Variants in FOXN3 observed in about 807,000 individuals in gnomAD.
The protein encoded by FOXN3 is forkhead box protein N3.
A neutral mutation model predicts 38.4 loss-of-function variants in FOXN3; 7 were observed. The observed-to-expected ratio is 0.18, with a 90% CI of 0.10 to 0.34. The LOEUF is 0.34. Among genes scored for constraint, FOXN3 ranks in the 10% least tolerant of loss-of-function variants. The pLI, the probability that FOXN3 is intolerant of heterozygous loss-of-function variation, is 1.00. For missense variants in FOXN3, 456 were observed against 613.4 expected (o/e 0.74, Z 2.71); for synonymous variants, 230 against 242.2 (o/e 0.95, Z 0.47).
At chr14:89,565,924 C>T (rs1399103767) in intron 1 of FOXN3, among the ~76,000 whole-genome samples, 1 of 152,208 alleles carries the variant, frequency 6.6e-6, no homozygotes, top group Non-Finnish European at 1.5e-5. Flanking sequence ...CATTTTATTT[C>T]TCTAACCTGC....
At chr14:89,355,222 A>C in intron 2 of FOXN3, 1 of 148,288 alleles carries the variant, frequency 6.7e-6, no homozygotes, top group East Asian at 2.0e-4. Context: ...AAAAAAAAGT[A>C]ATTTTTTTTT....
chr14:89,156,749 C>T lies in FOXN3; in HGVS notation c.*5665G>A, dbSNP rs1290400459. The stretch of plus-strand genomic sequence containing the variant: ...GACACACATGGATACATTTTTCCTC[C>T]ACATTTTCACCATGGCAGTATTAAG... On this transcript the variant is annotated 3_prime_UTR_variant, in exon 6 of 6. Coordinates refer to ENST00000557258, the MANE Select transcript of FOXN3 (RefSeq NM_005197.4). 1.3e-5 allele frequency: 2 copies of T among 151,950 alleles called. No individual in the cohort carries two copies. Among genetic ancestry groups the T allele is most frequent in the African/African-American group, 4.8e-5 (2 of 41,352 alleles). The allele number at this position is 151,950 out of a possible 1,614,324, so 9.4% of individuals were successfully genotyped here. A position where few individuals can be genotyped will look rare whatever the true frequency, so the allele number is the denominator to read the frequency against.
intron 4 of FOXN3, among the ~76,000 whole-genome samples, chr14:89,227,033 T>C (rs1884662465): frequency 1.3e-5 from 2 of 152,222 alleles, no homozygotes. Flanking sequence ...ACGGCAGCCC[T>C]AGCAAACTAA....
intron 1 of FOXN3, among the ~76,000 whole-genome samples, chr14:89,595,170 A>T (rs951714482): frequency 1.3e-5 from 2 of 151,762 alleles, no homozygotes; most frequent in Middle Eastern, 3.2e-3. Flanking sequence ...CAAAAAAAAA[A>T]AAAAATTAGC....
intron 3 of FOXN3, among the ~76,000 whole-genome samples, chr14:89,281,662 A>G (rs1217409122): frequency 1.3e-5 from 2 of 152,192 alleles, no homozygotes; most frequent in Non-Finnish European, 2.9e-5. Flanking sequence ...TATCACAAAG[A>G]CACTTACCGC....
chr14:89,558,680 G>A (rs1566699451), intron 1 of FOXN3, among the ~76,000 whole-genome samples: 1 of 152,228 alleles, frequency 6.6e-6, no homozygotes, highest in Non-Finnish European at 1.5e-5. Flanking sequence ...AAGGCCTTGG[G>A]CAGGCCCCAC....
Position 89,511,236 on chromosome 14 carries a change from CCTTTTCTTT to C in FOXN3, c.-14-98755_-14-98747del, listed in dbSNP as rs1325083103. Among the ~76,000 whole-genome samples the C allele has an allele frequency of 3.8e-4, 4 of 10,404 alleles. 2 individuals are homozygous for C. Among genetic ancestry groups the C allele is most frequent in the African/African-American group, 6.6e-4 (4 of 6,026 alleles). The allele number at this position is 10,404 out of a possible 152,430, so 6.8% of individuals were successfully genotyped here. A position where few individuals can be genotyped will look rare whatever the true frequency, so the allele number is the denominator to read the frequency against. ...CTTTCTTTCTTTCTTTCTTTTCTTTCCTTTTCTTTCTTTTCTTTCTTTCTTTCTTTCTTT... is the reference window on the plus strand; with the variant it reads ...CTTTCTTTCTTTCTTTCTTTTCTTTCCTTTTCTTTCTTTCTTTCTTTCTTT... On this transcript the variant is annotated intron_variant, in intron 1 of 6. Coordinates refer to the FOXN3 transcript ENST00000345097.
At chr14:89,260,829 C>G (rs1007905224) in intron 4 of FOXN3, among the ~76,000 whole-genome samples, 1 of 152,146 alleles carries the variant, frequency 6.6e-6, no homozygotes, top group Non-Finnish European at 1.5e-5. Context: ...ATGACATAAA[C>G]GAGCAGCTAT....
At chr14:89,455,682 T>G (rs1037577110) in intron 1 of FOXN3, among the ~76,000 whole-genome samples, 6 of 151,862 alleles carry the variant, frequency 4.0e-5, no homozygotes, top group African/African-American at 1.5e-4. Context: ...GCTGAGTGGG[T>G]GTGGAAGGAA....
intron 1 of FOXN3, among the ~76,000 whole-genome samples, chr14:89,524,310 G>C (rs1476388979): frequency 7.6e-6 from 1 of 131,210 alleles, no homozygotes; most frequent in East Asian, 2.3e-4. Flanking sequence ...GGGGGGCAGA[G>C]CCTGCAGTGA....
intron 3 of FOXN3, among the ~76,000 whole-genome samples, chr14:89,332,453 T>C (rs973334647): frequency 6.6e-6 from 1 of 152,152 alleles, no homozygotes; most frequent in Non-Finnish European, 1.5e-5. Context: ...CCTATATAAT[T>C]TTCTTAATGT....
Position 89,614,225 on chromosome 14 carries a change from T to A in FOXN3, c.-15+4803A>T, listed in dbSNP as rs61996553. Among the ~76,000 whole-genome samples the A allele has an allele frequency of 1.7e-3, 262 of 152,326 alleles. 2 individuals are homozygous for A. The highest frequency in any genetic ancestry group is 6.8e-3 in the Middle Eastern group (2 of 294). ...TTCATATGAAATTATTTTCACTGAC[T>A]AATAGAATAACAGTGATAGAACAGA... On this transcript the variant is annotated intron_variant, in intron 1 of 6. Coordinates refer to the FOXN3 transcript ENST00000345097.
Position 89,288,654 on chromosome 14 carries a change from GTAATAGGCACTCTCTTTCTCTCT to G in FOXN3, c.681-7663_681-7641del, listed in dbSNP as rs1566947457. On this transcript the variant is annotated intron_variant, in intron 3 of 5. Coordinates refer to ENST00000557258, the MANE Select transcript of FOXN3 (RefSeq NM_005197.4). ...ATGGAAACGACATACTCCAAAGGCT[GTAATAGGCACTCTCTTTCTCTCT>G]CTCTCTCTCTCTCTCTCTCTCTCTC... Among the ~76,000 whole-genome samples the G allele has an allele frequency of 3.2e-3, 216 of 68,154 alleles. 16 individuals are homozygous for G. The highest frequency in any genetic ancestry group is 3.8e-3 in the Non-Finnish European group (138 of 35,848). 44.7% of individuals were successfully genotyped at this position (68,154 alleles called of 152,430 possible). A position where few individuals can be genotyped will look rare whatever the true frequency, so the allele number is the denominator to read the frequency against.
intron 2 of FOXN3, among the ~76,000 whole-genome samples, chr14:89,371,035 C>A (rs1890305420): frequency 6.6e-6 from 1 of 152,230 alleles, no homozygotes; most frequent in South Asian, 2.1e-4. Flanking sequence ...AGGGACAACT[C>A]ACGGCTTGCT....
At chr14:89,201,579 G>T (rs2139819707) in intron 4 of FOXN3, among the ~76,000 whole-genome samples, 1 of 152,276 alleles carries the variant, frequency 6.6e-6, no homozygotes, top group Non-Finnish European at 1.5e-5. Context: ...GCCACGGCCA[G>T]AAGCCAGAGG....
At chr14:89,607,489 A>G (rs1359603921) in intron 1 of FOXN3, among the ~76,000 whole-genome samples, 1 of 148,840 alleles carries the variant, frequency 6.7e-6, no homozygotes, top group African/African-American at 2.5e-5. Context: ...GACTCGGGAG[A>G]TGGGGGTTGC....
At chr14:89,348,270 A>G (rs1381258062) in intron 3 of FOXN3, among the ~76,000 whole-genome samples, 1 of 152,076 alleles carries the variant, frequency 6.6e-6, no homozygotes, top group African/African-American at 2.4e-5. Context: ...ATCACAGTGG[A>G]CCCAGCCAGA....
At chr14:89,309,352 A>C (rs1393464472) in intron 3 of FOXN3, among the ~76,000 whole-genome samples, 2 of 151,810 alleles carry the variant, frequency 1.3e-5, no homozygotes, top group Non-Finnish European at 2.9e-5. Context: ...GTGTTCCAGG[A>C]CTCACCCACA....
chr14:89,384,720 A>T (rs1471399586), intron 2 of FOXN3, among the ~76,000 whole-genome samples: 1 of 152,134 alleles, frequency 6.6e-6, no homozygotes, highest in East Asian at 1.9e-4. Flanking sequence ...TCCACTGAGA[A>T]GAGGGACATG....
Sources: gnomAD v4.1 joint callset for allele counts (sites outside exome capture counted in the v4.1 genomes callset) on GRCh38, gnomAD v4.1.1 for gene constraint, MANE v1.5 for transcripts, NCBI Gene and HGNC (gene_info 2026-07-23, HGNC 2026-07-21) for gene names.